Variants in MGAT4C observed in about 807,000 individuals in gnomAD.
The protein encoded by MGAT4C is alpha-1,3-mannosyl-glycoprotein 4-beta-N-acetylglucosaminyltransferase C.
MGAT4C carries 19 observed loss-of-function variants against 40.1 expected under a neutral mutation model. The observed-to-expected ratio is 0.47, with a 90% CI of 0.33 to 0.70. The LOEUF (loss-of-function observed/expected upper bound fraction) is 0.70. Ranked by LOEUF, MGAT4C falls within the 30% of genes least tolerant of loss-of-function variation. The probability of loss-of-function intolerance (pLI) is 0.02; values close to 1 mark genes in which losing one functional copy is unlikely to be tolerated. For synonymous variants in MGAT4C, 181 were observed against 187.1 expected, an observed-to-expected ratio of 0.97 and a Z score of 0.27; for missense variants, 491 against 563.2, an observed-to-expected ratio of 0.87 and a Z score of 1.30.
intron 2 of MGAT4C, among the ~76,000 whole-genome samples, chr12:86,685,397 A>G (rs1197621267): frequency 1.3e-5 from 2 of 152,034 alleles, no homozygotes; most frequent in Non-Finnish European, 2.9e-5. Context: ...TGGTCTATAT[A>G]TCTGTTTTGG....
At chr12:86,712,475 C>T (rs1055192845) in intron 2 of MGAT4C, among the ~76,000 whole-genome samples, 2 of 151,976 alleles carry the variant, frequency 1.3e-5, no homozygotes, top group African/African-American at 4.8e-5. Flanking sequence ...ATATGCTGGG[C>T]TGTGTTTTAT....
chr12:86,709,330 T>C (rs747185627), intron 2 of MGAT4C, among the ~76,000 whole-genome samples: 1 of 152,190 alleles, frequency 6.6e-6, no homozygotes, highest in South Asian at 2.1e-4. Flanking sequence ...TAAACCTCTT[T>C]CTTTTGTAAA....
intron 1 of MGAT4C, among the ~76,000 whole-genome samples, chr12:86,244,113 T>C (rs1187432987): frequency 6.6e-6 from 1 of 152,150 alleles, no homozygotes; most frequent in East Asian, 1.9e-4. Flanking sequence ...CAGCAGCATC[T>C]TGCCTAGGTC....
chr12:86,308,861 A>G (rs1286034073), intron 4 of MGAT4C, among the ~76,000 whole-genome samples: 1 of 150,540 alleles, frequency 6.6e-6, no homozygotes, highest in East Asian at 1.9e-4. Flanking sequence ...TCTCTGTTCT[A>G]TAGATTTTTT....
chr12:86,171,558 C>T (rs1315238701), intron 1 of MGAT4C, among the ~76,000 whole-genome samples: 2 of 152,066 alleles, frequency 1.3e-5, no homozygotes, highest in Non-Finnish European at 2.9e-5. Context: ...TTATAATTTC[C>T]ATTTAATAGA....
chr12:86,194,105 C>T (rs1433827325), intron 1 of MGAT4C, among the ~76,000 whole-genome samples: 2 of 152,018 alleles, frequency 1.3e-5, no homozygotes, highest in Non-Finnish European at 1.5e-5. Flanking sequence ...TCTGATGACT[C>T]ATCTTCCTGT....
In MGAT4C at chr12:86,836,145, T is replaced by C. The variant is rs148390185; in HGVS notation, c.-262+2521A>G. ...ACGGATTTAAACTTAGTTTGTCTTATCACCAATCCTATTTTCTGTCTACTA... is the reference window on the plus strand; with the variant it reads ...ACGGATTTAAACTTAGTTTGTCTTACCACCAATCCTATTTTCTGTCTACTA... On this transcript the variant is annotated intron_variant, in intron 1 of 7. Coordinates refer to the MGAT4C transcript ENST00000548651. 1.1e-3 allele frequency among the ~76,000 whole-genome samples: 165 copies of C among 152,184 alleles called. 1 individual carries two copies. In the East Asian group the frequency reaches 0.022, roughly 21 times the overall value.
At position 86,349,821 on chromosome 12, in the gene MGAT4C, AT is replaced by A. The variant is rs1364062425; in HGVS notation, c.-119-15695del. ...CTGTGACAAATCTCATTTGTTACGA[AT>A]TATCTGTTGCCAGTCAATATTATCT... On this transcript the variant is annotated intron_variant, in intron 3 of 7. Transcript: ENST00000548651. Among the ~76,000 whole-genome samples the A allele has an allele frequency of 1.1e-4, 16 of 152,266 alleles. No individual in the cohort carries two copies. The South Asian group carries it at 1.2e-3, about 12-fold the overall frequency.
chr12:86,797,168 C>T (rs1952137808), intron 1 of MGAT4C, among the ~76,000 whole-genome samples: 1 of 151,784 alleles, frequency 6.6e-6, no homozygotes, highest in African/African-American at 2.4e-5. Context: ...TTCTGCTGTA[C>T]TTTTATCTCC....
At chr12:86,386,936 T>C (rs915689138) in intron 3 of MGAT4C, among the ~76,000 whole-genome samples, 1 of 152,198 alleles carries the variant, frequency 6.6e-6, no homozygotes, top group Non-Finnish European at 1.5e-5. Context: ...CATATCACTT[T>C]AAATAAATTT....
At chr12:86,293,611 T>C (rs1224140997) in intron 4 of MGAT4C, among the ~76,000 whole-genome samples, 4 of 152,226 alleles carry the variant, frequency 2.6e-5, no homozygotes, top group Admixed American at 1.3e-4. Flanking sequence ...TTATGACTTA[T>C]AACAATTGAG....
chr12:86,467,375 C>G (rs1957696754), intron 2 of MGAT4C, among the ~76,000 whole-genome samples: 1 of 152,056 alleles, frequency 6.6e-6, no homozygotes, highest in Non-Finnish European at 1.5e-5. Flanking sequence ...AGGCACAGAC[C>G]AAGACACCAT....
intron 1 of MGAT4C, among the ~76,000 whole-genome samples, chr12:86,247,169 A>G (rs1170035525): frequency 6.6e-6 from 1 of 152,226 alleles, no homozygotes; most frequent in Non-Finnish European, 1.5e-5. Flanking sequence ...AAATACTTAT[A>G]TAATTAGTTA....
chr12:86,799,761 TGTA>T (rs1429637175), intron 1 of MGAT4C, among the ~76,000 whole-genome samples: 2 of 151,838 alleles, frequency 1.3e-5, no homozygotes, highest in African/African-American at 4.8e-5. Context: ...TGTTAATCTT[TGTA>T]GTTTATGTTG....
chr12:86,174,605 T>C (rs1190039586), intron 1 of MGAT4C, among the ~76,000 whole-genome samples: 3 of 152,134 alleles, frequency 2.0e-5, no homozygotes, highest in Non-Finnish European at 2.9e-5. Context: ...CTCTCTTCTA[T>C]TTTTATGGCT....
At chr12:86,768,877 T>G (rs1253347787) in intron 1 of MGAT4C, among the ~76,000 whole-genome samples, 2 of 151,986 alleles carry the variant, frequency 1.3e-5, no homozygotes, top group Non-Finnish European at 2.9e-5. Context: ...TCAAGATGGA[T>G]TAAAGACTTA....
chr12:86,489,376 T>C (rs1958084718), intron 2 of MGAT4C, among the ~76,000 whole-genome samples: 1 of 152,166 alleles, frequency 6.6e-6, no homozygotes, highest in African/African-American at 2.4e-5. Flanking sequence ...ATGCGACCTC[T>C]GAGAGACCTC....
intron 2 of MGAT4C, among the ~76,000 whole-genome samples, chr12:86,470,337 T>G (rs1162288382): frequency 6.6e-6 from 1 of 152,076 alleles, no homozygotes; most frequent in East Asian, 1.9e-4. Context: ...TTTTTACTTA[T>G]CTGAAATGAA....
intron 1 of MGAT4C, among the ~76,000 whole-genome samples, chr12:86,836,061 T>C (rs1953031543): frequency 6.6e-6 from 1 of 152,008 alleles, no homozygotes; most frequent in Non-Finnish European, 1.5e-5. Context: ...ATACCACTAG[T>C]GCCATTATAC....
Sources: gnomAD v4.1 joint callset for allele counts (sites outside exome capture counted in the v4.1 genomes callset) on GRCh38, gnomAD v4.1.1 for gene constraint, MANE v1.5 for transcripts, NCBI Gene and HGNC (gene_info 2026-07-23, HGNC 2026-07-21) for gene names.